Variants in REV3L observed in about 807,000 individuals in gnomAD.
REV3L encodes the protein REV3 like, DNA directed polymerase zeta catalytic subunit.
REV3L carries 69 observed loss-of-function variants against 299.4 expected under a neutral mutation model. The observed-to-expected ratio is 0.23, with a 90% CI of 0.19 to 0.28. The LOEUF (loss-of-function observed/expected upper bound fraction) is 0.28. Among genes scored for constraint, REV3L ranks in the 10% least tolerant of loss-of-function variants. The pLI, the probability that REV3L is intolerant of heterozygous loss-of-function variation, is 1.00. For synonymous variants in REV3L, 1,238 were observed against 1,271.4 expected, an observed-to-expected ratio of 0.97 and a Z score of 0.56; for missense variants, 3,128 against 3,693.8, an observed-to-expected ratio of 0.85 and a Z score of 3.97.
intron 1 of REV3L, among the ~76,000 whole-genome samples, chr6:111,423,250 A>C (rs540604679): frequency 8.2e-6 from 1 of 122,302 alleles, no homozygotes; most frequent in Admixed American, 8.1e-5. Context: ...GCTCAGAAGC[A>C]CAAAATCCTA....
intron 27 of REV3L, among the ~76,000 whole-genome samples, chr6:111,314,120 T>C (rs947348500): frequency 1.3e-5 from 2 of 152,246 alleles, no homozygotes; most frequent in Non-Finnish European, 2.9e-5. Context: ...CTGTGTCTTA[T>C]GCTTCTTCGT....
At chr6:111,389,941 G>T in intron 6 of REV3L, 145 bp downstream of exon 6, 1 of 497,600 alleles carries the variant, frequency 2.0e-6, no homozygotes, top group Non-Finnish European at 3.7e-6. Flanking sequence ...GTTTCACCAT[G>T]TTGGCCAGGA....
intron 31 of REV3L, among the ~76,000 whole-genome samples, chr6:111,304,796 T>G (rs1340648206): frequency 6.6e-6 from 1 of 152,072 alleles, no homozygotes; most frequent in African/African-American, 2.4e-5. Flanking sequence ...TGTTCATCAT[T>G]CCCATCTTTA....
intron 1 of REV3L, among the ~76,000 whole-genome samples, chr6:111,478,566 C>T (rs1793221624): frequency 6.7e-6 from 1 of 150,338 alleles, no homozygotes; most frequent in African/African-American, 2.5e-5. Context: ...ACTTTTGAAC[C>T]TGAGTTGTTG....
chr6:111,474,215 GACAA>G (rs776704975), intron 1 of REV3L, among the ~76,000 whole-genome samples: 6 of 152,114 alleles, frequency 3.9e-5, no homozygotes, highest in Non-Finnish European at 7.3e-5. Context: ...CTTTATTTCT[GACAA>G]ACATACATGC....
At chr6:111,411,351 A>T in intron 3 of REV3L, 129 bp downstream of exon 3, 1 of 641,922 alleles carries the variant, frequency 1.6e-6, no homozygotes, top group Non-Finnish European at 2.7e-6. Context: ...CTATACACGT[A>T]CATGTGTATT....
chr6:111,311,780 C>T (rs953543911), intron 28 of REV3L: 12 of 151,740 alleles, frequency 7.9e-5, no homozygotes, highest in African/African-American at 2.9e-4. Context: ...TAGGAAATAA[C>T]CAGCATGCAG....
chr6:111,463,012 G>A (rs1347046448), intron 1 of REV3L, among the ~76,000 whole-genome samples: 1 of 152,004 alleles, frequency 6.6e-6, no homozygotes, highest in African/African-American at 2.4e-5. Context: ...GAGAATGAGA[G>A]CATAAGGTCC....
rs1369170047 is a variant in REV3L at position 111,327,573 on chromosome 6, T to C, written c.8241+1959A>G. On this transcript the variant is annotated intron_variant, in intron 25 of 31. Transcript: ENST00000368802. Reference sequence around the variant, plus strand: ...TGTTTCAAAAAAAAAAAAAAAAGGATAGCTTTTGGTTTTACATTAGTAATA... The same window carrying C: ...TGTTTCAAAAAAAAAAAAAAAAGGACAGCTTTTGGTTTTACATTAGTAATA... Among the ~76,000 whole-genome samples the C allele has an allele frequency of 1.1e-4, 17 of 149,934 alleles. No individual in the cohort carries two copies. The South Asian group carries it at 1.9e-3, about 17-fold the overall frequency.
At chr6:111,362,878 A>G (rs1418847996) in intron 16 of REV3L, among the ~76,000 whole-genome samples, 1 of 152,232 alleles carries the variant, frequency 6.6e-6, no homozygotes, top group Non-Finnish European at 1.5e-5. Flanking sequence ...TTTAAAATTC[A>G]GTTCTTCAGT....
chr6:111,387,626 GA>G (rs1781476452), intron 9 of REV3L, 138 bp downstream of exon 9: 2 of 720,944 alleles, frequency 2.8e-6, no homozygotes, highest in East Asian at 5.5e-5. Context: ...AAGGGTGACA[GA>G]ATGGGAGAAA....
intron 31 of REV3L, among the ~76,000 whole-genome samples, chr6:111,306,849 A>G (rs1196095323): frequency 6.6e-6 from 1 of 152,192 alleles, no homozygotes. Context: ...TCTTTTTAAT[A>G]CTGTAGATTG....
At position 111,375,385 on chromosome 6, in the gene REV3L, C is replaced by T. The variant is rs1405723079; in HGVS notation, c.2970G>A (p.Met990Ile). The T allele has an allele frequency of 6.3e-7, 1 of 1,594,780 alleles. No homozygotes were observed. Among genetic ancestry groups the T allele is most frequent in the Non-Finnish European group, 8.5e-7 (1 of 1,174,010 alleles). The change falls in exon 13 of 32, where the codon ATG (methionine) becomes ATA (isoleucine). Residue 990 changes from methionine to isoleucine, a missense_variant. Met to Ile is a conservative substitution (Grantham distance 10). Coordinates refer to ENST00000368802, the MANE Select transcript of REV3L (RefSeq NM_001372078.1). ...IINRFRGRKN[M>I]LVKLGKIDSK... Reference sequence around the variant, plus strand: ...AGTCTATTTTTCCTAGCTTCACAAGCATATTTTTTCTCCCTCTAAATCTAT... The same window carrying T: ...AGTCTATTTTTCCTAGCTTCACAAGTATATTTTTTCTCCCTCTAAATCTAT...
intron 1 of REV3L, among the ~76,000 whole-genome samples, chr6:111,455,884 C>T (rs1304830631): frequency 6.6e-6 from 1 of 152,116 alleles, no homozygotes; most frequent in African/African-American, 2.4e-5. Context: ...TCCTGTGCCA[C>T]ATAACAATGT....
chr6:111,384,422 A>T (rs983900062), intron 9 of REV3L, among the ~76,000 whole-genome samples: 1 of 152,222 alleles, frequency 6.6e-6, no homozygotes, highest in Non-Finnish European at 1.5e-5. Context: ...TAATCCAATT[A>T]AAAAATCGGC....
chr6:111,429,690 G>GT lies in REV3L; in HGVS notation c.140-13219dup, dbSNP rs558722755. On this transcript the variant is annotated intron_variant, in intron 1 of 31. Coordinates refer to ENST00000368802, the MANE Select transcript of REV3L (RefSeq NM_001372078.1). ...GTGGGGTGGAGTTATAGGAAAGAGG[G>GT]TTTTTTAGCTTCTCGAGAGGGGCCT... Among the ~76,000 whole-genome samples the GT allele has an allele frequency of 1.2e-4, 19 of 152,278 alleles. No homozygotes were observed. The South Asian group carries it at 3.7e-3, about 30-fold the overall frequency.
rs544780267 is a variant in REV3L, at chr6:111,377,718, G to T, written c.1580C>A (p.Thr527Asn). Reference protein sequence around the residue: ...ASLSIPQLDGTADENSDNPLN... With the variant: ...ASLSIPQLDGNADENSDNPLN... ...TTACTTACCACTATTTTCATCTGCAGTTCCATCTAACTGAGGTATAGAAAG... is the reference window on the plus strand; with the variant it reads ...TTACTTACCACTATTTTCATCTGCATTTCCATCTAACTGAGGTATAGAAAG... Residue 527 changes from threonine to asparagine, a missense_variant, in exon 12 of 32, where the codon ACT becomes AAT. By Grantham distance (65) the Thr-to-Asn change is moderately conservative (BLOSUM62 0). This residue lies in a region of REV3L where 2,409 missense variants were observed against 2,611.8 expected (regional missense o/e 0.92). Transcript: ENST00000368802. The T allele has an allele frequency of 1.2e-6, 2 of 1,612,808 alleles. No individual in the cohort carries two copies. The highest frequency in any genetic ancestry group is 2.2e-5 in the South Asian group (2 of 90,856).
intron 1 of REV3L, among the ~76,000 whole-genome samples, chr6:111,463,944 A>T (rs559590183): frequency 6.6e-6 from 1 of 152,240 alleles, no homozygotes; most frequent in South Asian, 2.1e-4. Context: ...CAATATCAAC[A>T]TAATTGACGC....
chr6:111,302,633 A>C (rs942315053), intron 31 of REV3L, among the ~76,000 whole-genome samples: 1 of 152,206 alleles, frequency 6.6e-6, no homozygotes, highest in Non-Finnish European at 1.5e-5. Flanking sequence ...GGCTGGGCAC[A>C]GTGGCTCATG....
Sources: gnomAD v4.1 joint callset for allele counts (sites outside exome capture counted in the v4.1 genomes callset) on GRCh38, gnomAD v4.1.1 for gene constraint, gnomAD v4.1.1 regional missense constraint, MANE v1.5 for transcripts, NCBI Gene and HGNC (gene_info 2026-07-23, HGNC 2026-07-21) for gene names.